The following CRACD variants were observed in gnomAD, a reference collection of about 807,000 sequenced individuals.
CRACD encodes the protein capping protein inhibiting regulator of actin dynamics.
CRACD carries 56 observed loss-of-function variants against 106.8 expected under a neutral mutation model. The observed-to-expected ratio is 0.52, with a 90% CI of 0.42 to 0.66. CRACD has a LOEUF of 0.66. Among genes scored for constraint, CRACD ranks in the 30% least tolerant of loss-of-function variants. The pLI is 0.00. For synonymous variants in CRACD, 754 were observed against 670.8 expected (o/e 1.12, Z -1.92); for missense variants, 1,730 against 1,623.2 (o/e 1.07, Z -1.13).
chr4:56,312,999 G>A (rs6850794), intron 6 of CRACD, among the ~76,000 whole-genome samples, 198 bp from the exon 7 acceptor site: 263 of 152,262 alleles, frequency 1.7e-3, no homozygotes, highest in African/African-American at 5.9e-3. Context: ...ACCAGTGGAC[G>A]CTGGCAGAAC....
intron 3 of CRACD, among the ~76,000 whole-genome samples, chr4:56,272,898 CA>C (rs11434095): frequency 1.4e-3 from 170 of 124,918 alleles, no homozygotes; most frequent in East Asian, 2.1e-3. Flanking sequence ...GACTCTGCCT[CA>C]AAAAAAAAAA....
chr4:56,299,202 T>G (rs1744223308), intron 4 of CRACD, among the ~76,000 whole-genome samples: 1 of 139,008 alleles, frequency 7.2e-6, no homozygotes, highest in Non-Finnish European at 1.5e-5. Flanking sequence ...CTCTGCAGAG[T>G]GGGGCAGTTT....
chr4:56,200,551 T>G (rs1332196333), intron 2 of CRACD, among the ~76,000 whole-genome samples: 1 of 152,194 alleles, frequency 6.6e-6, no homozygotes, highest in Non-Finnish European at 1.5e-5. Flanking sequence ...CTTTCAACTG[T>G]ATGCTCCTCA....
chr4:56,120,231 A>T (rs996675668), intron 1 of CRACD, among the ~76,000 whole-genome samples: 1 of 152,026 alleles, frequency 6.6e-6, no homozygotes, highest in African/African-American at 2.4e-5. Context: ...AGCCTTTTTT[A>T]TATATCTCTG....
At chr4:56,215,024 A>C (rs1738610508) in intron 2 of CRACD, among the ~76,000 whole-genome samples, 1 of 151,938 alleles carries the variant, frequency 6.6e-6, no homozygotes, top group Non-Finnish European at 1.5e-5. Context: ...AACAAACAAA[A>C]AAAGAGACAG....
At position 56,324,112 on chromosome 4, in the gene CRACD, C is replaced by T; in HGVS notation, c.3387C>T (p.Val1129=). 1.2e-6 allele frequency: 2 copies of T among 1,610,418 alleles called. No individual in the cohort carries two copies. Among genetic ancestry groups the T allele is most frequent in the Non-Finnish European group, 1.7e-6 (2 of 1,178,162 alleles). The change falls in exon 10 of 11, where the codon GTC becomes GTT. Residue 1129 remains valine (V), a synonymous_variant. Transcript: ENST00000682029. ...AEKLSKENVS[V]SVQPGSSSVS... ...TGTCTCTGCCCACGCAGGTCAGTGTCAGCGTGCAGCCTGGAAGCAGCAGTG... is the reference window on the plus strand; with the variant it reads ...TGTCTCTGCCCACGCAGGTCAGTGTTAGCGTGCAGCCTGGAAGCAGCAGTG...
At chr4:56,298,142 G>T in intron 3 of CRACD, 72 bp from the exon 4 acceptor site, 1 of 1,509,300 alleles carries the variant, frequency 6.6e-7, no homozygotes, top group Non-Finnish European at 9.1e-7. Flanking sequence ...CCTCCAATCA[G>T]GAATAATGGA....
chr4:56,146,215 A>G (rs1735373643), intron 1 of CRACD, among the ~76,000 whole-genome samples: 2 of 152,024 alleles, frequency 1.3e-5, no homozygotes, highest in Admixed American at 1.3e-4. Context: ...TTTGCTTAAC[A>G]TTTTCATTTA....
chr4:56,325,614 A>G (rs2109803803), intron 10 of CRACD, among the ~76,000 whole-genome samples: 1 of 152,368 alleles, frequency 6.6e-6, no homozygotes, highest in South Asian at 2.1e-4. Flanking sequence ...AGATGTACAC[A>G]TTTAGAAAAT....
intron 2 of CRACD, among the ~76,000 whole-genome samples, chr4:56,216,491 C>T (rs1265735290): frequency 3.3e-5 from 5 of 152,070 alleles, no homozygotes; most frequent in African/African-American, 4.8e-5. Flanking sequence ...TGACAGGCAT[C>T]GGTTGGAATC....
At chr4:56,309,411 A>G (rs1174294438) in intron 5 of CRACD, among the ~76,000 whole-genome samples, 2 of 152,166 alleles carry the variant, frequency 1.3e-5, no homozygotes, top group South Asian at 2.1e-4. Flanking sequence ...AGAAATGGCA[A>G]TACAGGATAG....
chr4:56,216,135 A>C (rs1484054593), intron 2 of CRACD: 3 of 152,198 alleles, frequency 2.0e-5, no homozygotes, highest in Non-Finnish European at 4.4e-5. Context: ...CGTTGCCACC[A>C]GATGATGTCT....
At chr4:56,213,220 G>A (rs1738498058) in intron 2 of CRACD, among the ~76,000 whole-genome samples, 1 of 152,178 alleles carries the variant, frequency 6.6e-6, no homozygotes. Context: ...GCCGAGGCAG[G>A]TGGATCACCT....
chr4:56,150,187 A>C (rs1316972856), intron 1 of CRACD, among the ~76,000 whole-genome samples: 1 of 152,196 alleles, frequency 6.6e-6, no homozygotes, highest in African/African-American at 2.4e-5. Context: ...AAATAGATTA[A>C]TGTCCCCATT....
intron 2 of CRACD, among the ~76,000 whole-genome samples, chr4:56,225,647 G>GA (rs1189802412): frequency 3.9e-5 from 6 of 151,978 alleles, no homozygotes; most frequent in African/African-American, 9.7e-5. Flanking sequence ...ATTATAAAGG[G>GA]AAAAAATCAT....
intron 1 of CRACD, among the ~76,000 whole-genome samples, chr4:56,131,339 C>T (rs1734818345): frequency 6.6e-6 from 1 of 152,214 alleles, no homozygotes; most frequent in African/African-American, 2.4e-5. Flanking sequence ...CAGAATGCCA[C>T]ATTACAGACG....
intron 2 of CRACD, among the ~76,000 whole-genome samples, chr4:56,217,746 A>G (rs766830086): frequency 2.0e-5 from 3 of 152,216 alleles, no homozygotes; most frequent in Non-Finnish European, 4.4e-5. Flanking sequence ...ATAATGAGGC[A>G]TATTTGACCA....
intron 1 of CRACD, among the ~76,000 whole-genome samples, chr4:56,052,641 C>T (rs2109775905): frequency 6.6e-6 from 1 of 152,258 alleles, no homozygotes; most frequent in East Asian, 1.9e-4. Flanking sequence ...TAATTTAGTT[C>T]TCACAACAGC....
rs1255195662 is a variant in CRACD, at chr4:56,307,574, C to G, written c.160C>G (p.Pro54Ala). 6.2e-7 allele frequency: 1 copy of G among 1,614,192 alleles called. No homozygotes were observed. The highest frequency in any genetic ancestry group is 8.5e-7 in the Non-Finnish European group (1 of 1,180,036). The change falls in exon 5 of 11, where the codon CCC becomes GCC. Residue 54 changes from proline (P) to alanine (A), a missense_variant. Physicochemically the swap from Pro to Ala is conservative, Grantham distance 27 (BLOSUM62 -1). This residue lies in a region of CRACD where 1,620 missense variants were observed against 1,481.6 expected (regional missense o/e 1.09). Transcript: ENST00000682029. ...GKNIKFGQRS[P>A]NAIPMNKANS... ...GAATATCAAGTTTGGGCAGCGGTCA[C>G]CCAATGCCATTCCCATGAATAAGGC...
Sources: allele counts gnomAD v4.1 joint callset (sites outside exome capture counted in the v4.1 genomes callset), GRCh38; gene constraint gnomAD v4.1.1; regional missense constraint gnomAD v4.1.1; transcripts MANE v1.5; gene names NCBI Gene and HGNC (gene_info 2026-07-23, HGNC 2026-07-21).